Variants in SMC5 observed in about 807,000 individuals in gnomAD.
The protein encoded by SMC5 is structural maintenance of chromosomes 5, also known as structural maintenance of chromosomes protein 5.
SMC5 carries 88 observed loss-of-function variants against 148.3 expected under a neutral mutation model. The ratio of observed to expected loss-of-function variants is 0.59; its 90% CI spans 0.50 to 0.71. The LOEUF (loss-of-function observed/expected upper bound fraction) is 0.71, where lower values mean the gene tolerates loss of function less well. Ranked by LOEUF, SMC5 falls within the 30% of genes least tolerant of loss-of-function variation. The pLI is 0.00. For synonymous variants in SMC5, 421 were observed against 432.8 expected (o/e 0.97, Z 0.34); for missense variants, 1,142 against 1,298.9 (o/e 0.88, Z 1.86).
In SMC5 at chr9:70,259,216, G is replaced by C. The variant is rs778648278; in HGVS notation, c.138G>C (p.Gly46=). The stretch of plus-strand genomic sequence containing the variant: ...AGCTGCCGCTGTTGCAGTCGTCCGG[G>C]CCTTTCGTGGAAGGCTCTATCGTCC... ...APQLPLLQSS[G]PFVEGSIVRI... Residue 46 remains glycine, a synonymous_variant, in exon 1 of 25, where the codon GGG becomes GGC. Transcript: ENST00000361138. 8.7e-6 allele frequency: 14 copies of C among 1,605,274 alleles called. No homozygotes were observed. In the South Asian group the frequency reaches 1.6e-4, roughly 18 times the overall value.
At chr9:70,269,289 A>T (rs2034379835) in intron 3 of SMC5, among the ~76,000 whole-genome samples, 1 of 152,222 alleles carries the variant, frequency 6.6e-6, no homozygotes, top group Non-Finnish European at 1.5e-5. Flanking sequence ...TAATGTCATT[A>T]TTAACATGTC....
At chr9:70,278,921 A>G (rs1477975226) in intron 5 of SMC5, among the ~76,000 whole-genome samples, 5 of 152,236 alleles carry the variant, frequency 3.3e-5, no homozygotes, top group African/African-American at 1.2e-4. Context: ...TCATTCATTC[A>G]GTATCTATTA....
intron 7 of SMC5, among the ~76,000 whole-genome samples, chr9:70,284,138 G>T (rs1400180126): frequency 2.0e-5 from 3 of 152,194 alleles, no homozygotes; most frequent in African/African-American, 4.8e-5. Context: ...TGAATCAACA[G>T]TTTTGACTTT....
In SMC5 at chr9:70,347,132, G is replaced by A; in HGVS notation, c.2635G>A (p.Ala879Thr). The change falls in exon 20 of 25, where the codon GCT becomes ACT. Residue 879 changes from alanine (A) to threonine (T), a missense_variant. Ala to Thr is a moderately conservative substitution (Grantham distance 58). Around this residue, in one of 5 missense-constraint regions of SMC5, gnomAD observed 743 missense variants for 835.7 expected, o/e 0.89. Transcript: ENST00000361138. ...DALLTEERSR[A>T]SCFTGLNPTI... Reference sequence around the variant, plus strand: ...TTTATTAACTGAAGAAAGATCAAGAGCTTCCTGCTTCACGGGACTGAATCC... The same window carrying A: ...TTTATTAACTGAAGAAAGATCAAGAACTTCCTGCTTCACGGGACTGAATCC... The A allele has an allele frequency of 6.2e-7, 1 of 1,613,892 alleles. No individual in the cohort carries two copies. The highest frequency in any genetic ancestry group is 8.5e-7 in the Non-Finnish European group (1 of 1,179,960).
rs891819234 is a variant in SMC5 at position 70,350,527 on chromosome 9, A to G, written c.3165+56A>G. ...ATACTCAGAAATCTCCTGTGACATA[A>G]TCATACAGTTTTTGTCCCAACATGC... On this transcript the variant is annotated intron_variant, in intron 24 of 24. Coordinates refer to ENST00000361138, the MANE Select transcript of SMC5 (RefSeq NM_015110.4). 5 of 1,193,274 alleles carry G rather than the reference A, an allele frequency of 4.2e-6. No homozygotes were observed. In the Admixed American group the frequency reaches 1.0e-4, roughly 24 times the overall value. 73.9% of individuals were successfully genotyped at this position (1,193,274 alleles called of 1,614,324 possible). A position where few individuals can be genotyped will look rare whatever the true frequency, so the allele number is the denominator to read the frequency against.
rs547642876 is a variant in SMC5, at chr9:70,351,054, A to G, written c.3165+583A>G. On this transcript the variant is annotated intron_variant, in intron 24 of 24. Transcript: ENST00000361138. ...TAACCAGATTTTTTCCATTTTAAGT[A>G]TTCATGAAAAATTTTGGCCAGGTGC... Among the ~76,000 whole-genome samples the G allele has an allele frequency of 3.0e-4, 45 of 152,226 alleles. 1 individual carries two copies. Among genetic ancestry groups the G allele is most frequent in the African/African-American group, 1.1e-3 (45 of 41,546 alleles).
At chr9:70,273,251 A>C (rs1408361445) in intron 3 of SMC5, among the ~76,000 whole-genome samples, 1 of 151,016 alleles carries the variant, frequency 6.6e-6, no homozygotes, top group East Asian at 1.9e-4. Flanking sequence ...ATTTATTTAT[A>C]GTAATCGGTT....
chr9:70,301,268 G>T (rs1191781471), intron 10 of SMC5, among the ~76,000 whole-genome samples: 1 of 152,182 alleles, frequency 6.6e-6, no homozygotes, highest in African/African-American at 2.4e-5. Context: ...CTTCAGAACT[G>T]TATTAGATTT....
chr9:70,277,490 G>C lies in SMC5; in HGVS notation c.543+18G>C, dbSNP rs751891954. On this transcript the variant is annotated intron_variant, in intron 4 of 24. Transcript: ENST00000361138. ...TCCCTCAGGTATGAGAGAAATAAAT[G>C]TAAAGATGGGAAAATTTTGTATATA... 1 of 1,556,526 alleles carries C rather than the reference G, an allele frequency of 6.4e-7. No homozygotes were observed. The highest frequency in any genetic ancestry group is 8.6e-7 in the Non-Finnish European group (1 of 1,156,562).
chr9:70,300,273 T>C, intron 10 of SMC5, 73 bp downstream of exon 10: 2 of 1,352,536 alleles, frequency 1.5e-6, no homozygotes, highest in East Asian at 2.5e-5. Context: ...TAAGACATTT[T>C]AGTCCCAATA....
At chr9:70,331,057 A>G (rs374826421) in intron 17 of SMC5, among the ~76,000 whole-genome samples, 72 of 152,324 alleles carry the variant, frequency 4.7e-4, no homozygotes, top group African/African-American at 1.6e-3. Context: ...TTTTCATCAG[A>G]AATACTTGAT....
rs2118382888 is a variant in SMC5 at position 70,298,099 on chromosome 9, T to A, written c.1187T>A (p.Leu396His). The A allele has an allele frequency of 6.2e-7, 1 of 1,614,068 alleles. No individual in the cohort carries two copies. The highest frequency in any genetic ancestry group is 8.5e-7 in the Non-Finnish European group (1 of 1,179,940). ...ELKTTENCENLQPQIDAITND... is the reference protein window; with the variant it reads ...ELKTTENCENHQPQIDAITND... ...AAGACCACGGAAAACTGCGAGAATC[T>A]TCAGCCCCAGATTGATGCCATTACA... The change falls in exon 9 of 25, where the codon CTT becomes CAT. Residue 396 changes from leucine to histidine, a missense_variant. Coordinates refer to ENST00000361138, the MANE Select transcript of SMC5 (RefSeq NM_015110.4).
At chr9:70,269,850 A>C (rs531888381) in intron 3 of SMC5, among the ~76,000 whole-genome samples, 38 of 152,370 alleles carry the variant, frequency 2.5e-4, no homozygotes, top group African/African-American at 8.7e-4. Context: ...AGAATGTAGA[A>C]ACCAGGAACA....
chr9:70,292,131 C>A (rs1232438175), intron 8 of SMC5, among the ~76,000 whole-genome samples: 1 of 152,108 alleles, frequency 6.6e-6, no homozygotes, highest in Non-Finnish European at 1.5e-5. Context: ...TGTCAGTGTT[C>A]TCATCACTTT....
In SMC5 at chr9:70,295,538, C is replaced by T. The variant is rs568755760; in HGVS notation, c.1054-2428C>T. Among the ~76,000 whole-genome samples the T allele has an allele frequency of 1.5e-4, 22 of 151,168 alleles. No individual in the cohort carries two copies. The South Asian group carries it at 4.2e-3, about 29-fold the overall frequency. On this transcript the variant is annotated intron_variant, in intron 8 of 24. Coordinates refer to ENST00000361138, the MANE Select transcript of SMC5 (RefSeq NM_015110.4). ...TTACAGATATAGAGCAGTATGGAGACAGTATCCTAGTGAAGGTAGGTGATT... is the reference window on the plus strand; with the variant it reads ...TTACAGATATAGAGCAGTATGGAGATAGTATCCTAGTGAAGGTAGGTGATT...
chr9:70,323,542 C>T lies in SMC5; in HGVS notation c.2210C>T (p.Thr737Ile), dbSNP rs1253672709. 1 of 1,611,816 alleles carries T rather than the reference C, an allele frequency of 6.2e-7. No individual in the cohort carries two copies. ...GAAGAGGAAGAGCGAAAAGCAAGTA[C>T]CAAAATCAAAGAAATAAATGTTCAA... is the stretch of plus-strand genomic sequence containing the variant. ...NLEEEERKAS[T>I]KIKEINVQKA... Residue 737 changes from threonine to isoleucine, a missense_variant, in exon 16 of 25, where the codon ACC (threonine) becomes ATC (isoleucine). Coordinates refer to ENST00000361138, the MANE Select transcript of SMC5 (RefSeq NM_015110.4).
At position 70,305,246 on chromosome 9, in the gene SMC5, G is replaced by C. The variant is rs1338757866; in HGVS notation, c.1465-1G>C. On this transcript the variant is annotated splice_acceptor_variant, in intron 10 of 24. Transcript: ENST00000361138. LOFTEE classifies it high-confidence loss of function. The stretch of plus-strand genomic sequence containing the variant: ...CGACCTTTTTTTGCTTGTTTGTTTA[G>C]ATCAATATGAAAGATAATAAAAATG... 1.4e-6 allele frequency: 2 copies of C among 1,415,160 alleles called. No individual in the cohort carries two copies. Among genetic ancestry groups the C allele is most frequent in the Non-Finnish European group, 2.0e-6 (2 of 1,009,598 alleles). The allele number at this position is 1,415,160 out of a possible 1,614,324, so 87.7% of individuals were successfully genotyped here. A position where few individuals can be genotyped will look rare whatever the true frequency, so the allele number is the denominator to read the frequency against.
At chr9:70,330,548 C>CTTTTTT (rs71505381) in intron 17 of SMC5, among the ~76,000 whole-genome samples, 1 of 128,884 alleles carries the variant, frequency 7.8e-6, no homozygotes, top group African/African-American at 2.8e-5. Context: ...ATGTAACTTT[C>CTTTTTT]TTTTTTTTTT....
intron 9 of SMC5, 106 bp downstream of exon 9, chr9:70,298,327 C>G (rs2035262164): frequency 8.0e-7 from 1 of 1,255,238 alleles, no homozygotes; most frequent in Non-Finnish European, 1.1e-6. Flanking sequence ...GTTCAAGTTG[C>G]CTTCTTGAGG....
Sources: allele counts gnomAD v4.1 joint callset (sites outside exome capture counted in the v4.1 genomes callset), GRCh38; gene constraint gnomAD v4.1.1; regional missense constraint gnomAD v4.1.1; transcripts MANE v1.5; gene names NCBI Gene and HGNC (gene_info 2026-07-23, HGNC 2026-07-21).